The following UTRN variants were observed in gnomAD, a reference collection of about 807,000 sequenced individuals.
UTRN encodes the protein utrophin, also known as dystrophin-related protein 1.
Under a neutral mutation model 463.9 loss-of-function variants are expected in UTRN, and 283 were observed. The ratio of observed to expected loss-of-function variants is 0.61; its 90% CI spans 0.55 to 0.67. The LOEUF is 0.67. Ranked by LOEUF, UTRN falls within the 30% of genes least tolerant of loss-of-function variation. UTRN has a pLI of 0.00. For missense variants in UTRN, 3,922 were observed against 4,084.3 expected (o/e 0.96, Z 1.08); for synonymous variants, 1,442 against 1,431.5 (o/e 1.01, Z -0.17).
intron 2 of UTRN, 80 bp from the exon 3 acceptor site, chr6:144,403,043 T>G: frequency 2.3e-6 from 3 of 1,291,966 alleles, no homozygotes; most frequent in Non-Finnish European, 3.3e-6. Context: ...CTCTCCAGGA[T>G]AGAGATAACC....
chr6:144,290,855 C>T (rs538424176), intron 1 of UTRN, among the ~76,000 whole-genome samples: 2 of 148,452 alleles, frequency 1.3e-5, no homozygotes, highest in African/African-American at 5.0e-5. Context: ...ACTTCCACCT[C>T]CCAGGTTCAA....
intron 25 of UTRN, among the ~76,000 whole-genome samples, chr6:144,477,247 G>A (rs1791315044): frequency 6.6e-6 from 1 of 152,160 alleles, no homozygotes; most frequent in African/African-American, 2.4e-5. Context: ...TGACAAAGCA[G>A]TGAAAAATAG....
At chr6:144,618,620 A>G (rs1775021869) in intron 51 of UTRN, among the ~76,000 whole-genome samples, 1 of 152,082 alleles carries the variant, frequency 6.6e-6, no homozygotes. Context: ...AATGAGCCCC[A>G]TTTTAATTTT....
At chr6:144,477,646 T>A (rs1302935086) in intron 25 of UTRN, among the ~76,000 whole-genome samples, 1 of 152,102 alleles carries the variant, frequency 6.6e-6, no homozygotes, top group African/African-American at 2.4e-5. Context: ...AGCATGATTT[T>A]CCAAGCATGA....
intron 46 of UTRN, among the ~76,000 whole-genome samples, chr6:144,543,362 T>C (rs151034124): frequency 6.8e-4 from 104 of 152,356 alleles, no homozygotes; most frequent in African/African-American, 2.4e-3. Context: ...TACTTCTCAC[T>C]TGGATGTGGA....
intron 62 of UTRN, among the ~76,000 whole-genome samples, chr6:144,790,455 T>C (rs1387748261): frequency 3.3e-5 from 5 of 152,216 alleles, no homozygotes; most frequent in Non-Finnish European, 5.9e-5. Context: ...TGTGAGGTTA[T>C]TGGATTTTGA....
At chr6:144,706,461 C>G (rs1434323197) in intron 53 of UTRN, among the ~76,000 whole-genome samples, 1 of 151,990 alleles carries the variant, frequency 6.6e-6, no homozygotes, top group Non-Finnish European at 1.5e-5. Flanking sequence ...CTCTTACTTT[C>G]ATTTACTTAC....
intron 50 of UTRN, among the ~76,000 whole-genome samples, chr6:144,576,649 C>T (rs895348839): frequency 1.3e-5 from 2 of 151,908 alleles, no homozygotes; most frequent in Non-Finnish European, 2.9e-5. Context: ...TGTAAGTCAA[C>T]ACAAAAGGTA....
At chr6:144,539,473 T>A in intron 45 of UTRN, 30 bp downstream of exon 45, 1 of 1,549,528 alleles carries the variant, frequency 6.5e-7, no homozygotes, top group Non-Finnish European at 8.7e-7. Context: ...CACACATTTC[T>A]CATATTTATT....
At chr6:144,375,408 A>G (rs1288622639) in intron 2 of UTRN, among the ~76,000 whole-genome samples, 1 of 152,242 alleles carries the variant, frequency 6.6e-6, no homozygotes, top group Non-Finnish European at 1.5e-5. Context: ...CATATTAGCT[A>G]TCTAGCACAG....
intron 65 of UTRN, among the ~76,000 whole-genome samples, chr6:144,819,901 T>TCCC (rs1779422615): frequency 1.6e-5 from 2 of 124,570 alleles, no homozygotes; most frequent in African/African-American, 6.7e-5. Flanking sequence ...CTCCTCCTCC[T>TCCC]CCTCCTCCTC....
At chr6:144,509,483 G>A (rs146397624) in intron 34 of UTRN, among the ~76,000 whole-genome samples, 2 of 151,942 alleles carry the variant, frequency 1.3e-5, no homozygotes, top group African/African-American at 4.8e-5. Context: ...GGAACAATAT[G>A]CTCTTAAGTT....
intron 2 of UTRN, among the ~76,000 whole-genome samples, chr6:144,335,678 G>A (rs115304390): frequency 0.011 from 1,681 of 152,250 alleles, 29 homozygotes; most frequent in African/African-American, 0.038. Context: ...CTCTTTCCAG[G>A]AACTCTGGCA....
intron 51 of UTRN, among the ~76,000 whole-genome samples, chr6:144,588,634 A>C (rs1440515436): frequency 2.0e-5 from 3 of 152,172 alleles, no homozygotes; most frequent in African/African-American, 7.2e-5. Flanking sequence ...ATTGTAACTT[A>C]AAGGGTTGAT....
In UTRN at chr6:144,466,769, C is replaced by T. The variant is rs537607240; in HGVS notation, c.3066+3903C>T. On this transcript the variant is annotated intron_variant, in intron 23 of 74. Transcript: ENST00000367545. ...GCAAAGTATTTCATATTACGTACTT[C>T]CTTTTCCTTATTCAAGAGCTCCTGC... Among the ~76,000 whole-genome samples the T allele has an allele frequency of 1.3e-3, 192 of 152,288 alleles. 1 individual carries two copies. Among genetic ancestry groups the T allele is most frequent in the African/African-American group, 4.3e-3 (179 of 41,552 alleles).
At chr6:144,593,098 A>G (rs1365088654) in intron 51 of UTRN, among the ~76,000 whole-genome samples, 1 of 152,232 alleles carries the variant, frequency 6.6e-6, no homozygotes, top group Non-Finnish European at 1.5e-5. Context: ...AGTAGAGCAG[A>G]AAACTCTGCG....
intron 18 of UTRN, among the ~76,000 whole-genome samples, chr6:144,451,784 A>G (rs552638356): frequency 6.6e-6 from 1 of 152,134 alleles, no homozygotes; most frequent in Non-Finnish European, 1.5e-5. Context: ...GTTAGTTTAG[A>G]TCACCCTTAA....
chr6:144,351,582 A>ACTG (rs1778113245), intron 2 of UTRN, among the ~76,000 whole-genome samples: 1 of 152,224 alleles, frequency 6.6e-6, no homozygotes, highest in Admixed American at 6.5e-5. Flanking sequence ...TTGTTCAGAA[A>ACTG]GGTTTTCATT....
At chr6:144,513,100 T>TG (rs1795315840) in intron 35 of UTRN, among the ~76,000 whole-genome samples, 1 of 152,246 alleles carries the variant, frequency 6.6e-6, no homozygotes, top group Non-Finnish European at 1.5e-5. Flanking sequence ...TTTCATGTCC[T>TG]GCTTCAGTAC....
Sources: gnomAD v4.1 joint callset for allele counts (sites outside exome capture counted in the v4.1 genomes callset) on GRCh38, gnomAD v4.1.1 for gene constraint, MANE v1.5 for transcripts, NCBI Gene and HGNC (gene_info 2026-07-23, HGNC 2026-07-21) for gene names.